Variants in NDUFS1 observed in about 807,000 individuals in gnomAD.
NDUFS1 encodes the protein NADH-ubiquinone oxidoreductase 75 kDa subunit, mitochondrial.
In NDUFS1, 61 loss-of-function variants were observed where a neutral mutation model predicts 84.4. The ratio of observed to expected loss-of-function variants is 0.72; its 90% confidence interval spans 0.59 to 0.89. The LOEUF is 0.89. NDUFS1 is among the 40% of genes least tolerant of loss of function. The pLI is 0.00. For synonymous variants in NDUFS1, 275 were observed against 290.0 expected (o/e 0.95, Z 0.53); for missense variants, 891 against 890.0 (o/e 1.00, Z -0.01).
At chr2:206,143,398 T>G (rs1426150252) in intron 10 of NDUFS1, among the ~76,000 whole-genome samples, 1 of 152,148 alleles carries the variant, frequency 6.6e-6, no homozygotes. Flanking sequence ...CACTTCAAAA[T>G]GAGGTCTGGA....
rs1175635206 is a variant in NDUFS1, at chr2:206,123,089, T to C, written c.*1096A>G. On this transcript the variant is annotated 3_prime_UTR_variant, in exon 19 of 19. Coordinates refer to ENST00000233190, the MANE Select transcript of NDUFS1 (RefSeq NM_005006.7). ...TAATTATCTCCTAATTGTAAAATTT[T>C]TACTTCCTTTTTTATTTTTTTAAAT... 6.6e-6 allele frequency: 1 copy of C among 152,186 alleles called. No individual in the cohort carries two copies. Among genetic ancestry groups the C allele is most frequent in the Non-Finnish European group, 1.5e-5 (1 of 68,034 alleles). The allele number at this position is 152,186 out of a possible 1,614,324, so 9.4% of individuals were successfully genotyped here.
At chr2:206,149,635 T>C (rs1692291475) in intron 4 of NDUFS1, 183 bp downstream of exon 4, 4 of 616,052 alleles carry the variant, frequency 6.5e-6, no homozygotes, top group Non-Finnish European at 1.2e-5. Context: ...TGTAAAGCAC[T>C]TCTATCTATG....
rs769616417 is a variant in NDUFS1, at chr2:206,149,033, A to T, written c.325T>A (p.Ser109Thr). 349 of 1,611,402 alleles carry T rather than the reference A, an allele frequency of 2.2e-4. No homozygotes were observed. The highest frequency in any genetic ancestry group is 5.2e-4 in the South Asian group (47 of 91,020). ...GWNILTNSEK[S>T]KKAREGVMEF... ...ACAATAAAGTACCTGGCTTTTTTGG[A>T]TTTTTCTGAGTTTGTTAGGATATTC... The change falls in exon 5 of 19, where the codon TCC (serine) becomes ACC (threonine). Residue 109 changes from serine to threonine, a missense_variant. Coordinates refer to ENST00000233190, the MANE Select transcript of NDUFS1 (RefSeq NM_005006.7).
intron 15 of NDUFS1, among the ~76,000 whole-genome samples, chr2:206,128,923 T>C (rs1691399405): frequency 6.6e-6 from 1 of 151,750 alleles, no homozygotes; most frequent in African/African-American, 2.4e-5. Flanking sequence ...TGCTCAGATG[T>C]ACCAGTTTGT....
intron 3 of NDUFS1, among the ~76,000 whole-genome samples, chr2:206,151,208 T>C (rs1363195227): frequency 6.6e-6 from 1 of 152,246 alleles, no homozygotes; most frequent in Non-Finnish European, 1.5e-5. Context: ...GATCAAAATA[T>C]AAGCTCTTCT....
In NDUFS1 at chr2:206,115,545, A is replaced by AT; in HGVS notation, c.*8639_*8640insA. On this transcript the variant is annotated 3_prime_UTR_variant, in exon 19 of 19. Transcript: ENST00000233190. ...CTGGCCTCCAGAATTGTAAGAAGTAAATTTTTTTTTTTTTTAACGAAGAAG... is the reference window on the plus strand; with the variant it reads ...CTGGCCTCCAGAATTGTAAGAAGTAATATTTTTTTTTTTTTTAACGAAGAAG... 4 of 186,186 alleles carry AT rather than the reference A, an allele frequency of 2.1e-5. No homozygotes were observed. Among genetic ancestry groups the AT allele is most frequent in the South Asian group, 1.0e-4 (1 of 9,910 alleles). The allele number at this position is 186,186 out of a possible 1,614,324, so 11.5% of individuals were successfully genotyped here. A position where few individuals can be genotyped will look rare whatever the true frequency, so the allele number is the denominator to read the frequency against.
rs1014438707 is a variant in NDUFS1 at position 206,119,072 on chromosome 2, G to C, written c.*5113C>G. ...CACTGCACTCCAGACTGGCAATACA[G>C]TGAGACTCAATCTAAGATAAAACAA... On this transcript the variant is annotated 3_prime_UTR_variant, in exon 19 of 19. Coordinates refer to ENST00000233190, the MANE Select transcript of NDUFS1 (RefSeq NM_005006.7). The C allele has an allele frequency of 6.6e-6, 1 of 152,212 alleles. No homozygotes were observed. Among genetic ancestry groups the C allele is most frequent in the Admixed American group, 6.5e-5 (1 of 15,272 alleles). The allele number at this position is 152,212 out of a possible 1,614,324, so 9.4% of individuals were successfully genotyped here.
intron 13 of NDUFS1, among the ~76,000 whole-genome samples, chr2:206,136,754 CTTTTTTTCTTTT>C (rs1201373878): frequency 7.0e-6 from 1 of 143,048 alleles, no homozygotes; most frequent in Non-Finnish European, 1.5e-5. Context: ...TAGTTTCTTT[CTTTTTTTCTTTT>C]TTTTTTGAGA....
At chr2:206,136,472 C>A (rs370182926) in intron 13 of NDUFS1, among the ~76,000 whole-genome samples, 1 of 139,638 alleles carries the variant, frequency 7.2e-6, no homozygotes, top group Non-Finnish European at 1.5e-5. Flanking sequence ...CTCGCTCTGT[C>A]GCCCAGGCTG....
intron 12 of NDUFS1, among the ~76,000 whole-genome samples, chr2:206,139,656 C>T (rs187910271): frequency 1.3e-5 from 2 of 151,742 alleles, no homozygotes; most frequent in African/African-American, 4.8e-5. Flanking sequence ...ACTATGGCTC[C>T]AGTTCCTCCA....
rs771796900 is a variant in NDUFS1 at position 206,142,065 on chromosome 2, C to A, written c.1138G>T (p.Asp380Tyr). 23 of 1,593,500 alleles carry A rather than the reference C, an allele frequency of 1.4e-5. No individual in the cohort carries two copies. Among genetic ancestry groups the A allele is most frequent in the Non-Finnish European group, 2.0e-5 (23 of 1,161,506 alleles). The stretch of plus-strand genomic sequence containing the variant: ...TTAAGAAGATAATTGGAACGCAAAT[C>A]TGTGCTAGAAATACAATATATAAAA... Reference protein sequence around the residue: ...EVFPTAGAGTDLRSNYLLNTT... With the variant: ...EVFPTAGAGTYLRSNYLLNTT... Residue 380 changes from aspartate to tyrosine, a missense_variant, in exon 12 of 19, where the codon GAT becomes TAT. Coordinates refer to ENST00000233190, the MANE Select transcript of NDUFS1 (RefSeq NM_005006.7).
chr2:206,140,221 T>C (rs565241654), intron 12 of NDUFS1, among the ~76,000 whole-genome samples: 18 of 152,204 alleles, frequency 1.2e-4, no homozygotes, highest in African/African-American at 4.3e-4. Flanking sequence ...TGGTGGTGCA[T>C]GCCTGCAGTC....
intron 1 of NDUFS1, among the ~76,000 whole-genome samples, chr2:206,156,664 A>G (rs1318181920): frequency 1.3e-5 from 2 of 152,254 alleles, no homozygotes; most frequent in East Asian, 1.9e-4. Context: ...AGTATTATTG[A>G]ATAATAGTAC....
Position 206,152,391 on chromosome 2 carries a change from A to T in NDUFS1, c.153+28T>A, listed in dbSNP as rs941888398. The T allele has an allele frequency of 3.8e-6, 6 of 1,575,406 alleles. No homozygotes were observed. In the South Asian group the frequency reaches 5.5e-5, roughly 15 times the overall value. On this transcript the variant is annotated intron_variant, in intron 3 of 18. Transcript: ENST00000233190. The stretch of plus-strand genomic sequence containing the variant: ...TATTTTTAAAAAAATCAGAACACAC[A>T]CACAAAATAGTTAGAATGTATGCCT...
chr2:206,134,895 T>C (rs1189843204), intron 13 of NDUFS1, among the ~76,000 whole-genome samples: 1 of 151,962 alleles, frequency 6.6e-6, no homozygotes, highest in Admixed American at 6.5e-5. Context: ...GAGGACTGCT[T>C]AAGCCCAGGA....
intron 12 of NDUFS1, among the ~76,000 whole-genome samples, chr2:206,140,328 G>A (rs1429450007): frequency 6.6e-6 from 1 of 151,972 alleles, no homozygotes. Flanking sequence ...TAGCCTGTGT[G>A]GCAGAGCAAG....
In NDUFS1 at chr2:206,116,323, C is replaced by A; in HGVS notation, c.*7862G>T. 1.1e-6 allele frequency: 1 copy of A among 899,020 alleles called. No homozygotes were observed. The highest frequency in any genetic ancestry group is 1.9e-6 in the Non-Finnish European group (1 of 526,796). 55.7% of individuals were successfully genotyped at this position (899,020 alleles called of 1,614,324 possible). ...GTTCACTAGCAGCTTTCACACTCTC[C>A]AAAGCACCAAACTCATCTTGTTTGT... is the stretch of plus-strand genomic sequence containing the variant. On this transcript the variant is annotated 3_prime_UTR_variant, in exon 19 of 19. Coordinates refer to ENST00000233190, the MANE Select transcript of NDUFS1 (RefSeq NM_005006.7).
chr2:206,144,109 C>A lies in NDUFS1; in HGVS notation c.896G>T (p.Arg299Leu). ...KTRFAYDGLK[R>L]QRLTEPMVRN... ...GACCATTGGCTCGGTAAGTCTTTGA[C>A]GTTTTAGCCCATCATAGGCAAATCT... Residue 299 changes from arginine to leucine, a missense_variant, in exon 10 of 19, where the codon CGT (arginine) becomes CTT (leucine). Arg to Leu is a moderately radical substitution (Grantham distance 102). Coordinates refer to ENST00000233190, the MANE Select transcript of NDUFS1 (RefSeq NM_005006.7). 6.2e-7 allele frequency: 1 copy of A among 1,613,852 alleles called. No homozygotes were observed. Among genetic ancestry groups the A allele is most frequent in the South Asian group, 1.1e-5 (1 of 91,078 alleles).
At chr2:206,140,265 T>C (rs955744399) in intron 12 of NDUFS1, among the ~76,000 whole-genome samples, 1 of 151,968 alleles carries the variant, frequency 6.6e-6, no homozygotes, top group Non-Finnish European at 1.5e-5. Flanking sequence ...GGGAGCATCA[T>C]TTGAGCCCAG....
Sources: gnomAD v4.1 joint callset for allele counts (sites outside exome capture counted in the v4.1 genomes callset) on GRCh38, gnomAD v4.1.1 for gene constraint, MANE v1.5 for transcripts, NCBI Gene and HGNC (gene_info 2026-07-23, HGNC 2026-07-21) for gene names.